The following PDE4D variants were observed in gnomAD, a reference collection of about 807,000 sequenced individuals.
The protein encoded by PDE4D is 3',5'-cyclic-AMP phosphodiesterase 4D.
Under a neutral mutation model 87.4 loss-of-function variants are expected in PDE4D, and 24 were observed. The ratio of observed to expected loss-of-function variants is 0.27; its 90% CI spans 0.20 to 0.39. The LOEUF (loss-of-function observed/expected upper bound fraction) is 0.39. PDE4D is among the 10% of genes least tolerant of loss of function. The pLI is 1.00. For synonymous variants in PDE4D, 384 were observed against 383.2 expected, an observed-to-expected ratio of 1.00 and a Z score of -0.02; for missense variants, 714 against 1,041.0, an observed-to-expected ratio of 0.69 and a Z score of 4.32.
chr5:59,992,791 T>A (rs1763146719), intron 2 of PDE4D, among the ~76,000 whole-genome samples: 1 of 152,194 alleles, frequency 6.6e-6, no homozygotes, highest in South Asian at 2.1e-4. Flanking sequence ...AAACCCACTT[T>A]CTATAAATAC....
At chr5:59,408,047 T>A (rs1400430567) in intron 1 of PDE4D, among the ~76,000 whole-genome samples, 7 of 152,170 alleles carry the variant, frequency 4.6e-5, no homozygotes, top group African/African-American at 1.4e-4. Context: ...GAAATTTGCA[T>A]AACTAAAAGA....
intron 1 of PDE4D, among the ~76,000 whole-genome samples, chr5:60,463,674 A>C (rs375971292): frequency 1.3e-5 from 2 of 152,220 alleles, no homozygotes; most frequent in African/African-American, 4.8e-5. Context: ...GCATGCAGTC[A>C]TGCCCTCTTG....
chr5:59,395,556 G>GA (rs1215240840), intron 1 of PDE4D, among the ~76,000 whole-genome samples: 1 of 150,834 alleles, frequency 6.6e-6, no homozygotes, highest in African/African-American at 2.4e-5. Flanking sequence ...AAACAGAAAG[G>GA]ACATCCACAC....
chr5:60,501,710 G>A (rs946245192), intron 1 of PDE4D, among the ~76,000 whole-genome samples: 1 of 151,868 alleles, frequency 6.6e-6, no homozygotes, highest in Non-Finnish European at 1.5e-5. Flanking sequence ...GTGTGAGATG[G>A]TATCTCATTG....
intron 1 of PDE4D, among the ~76,000 whole-genome samples, chr5:59,293,924 G>T (rs1581803787): frequency 6.6e-6 from 1 of 152,074 alleles, no homozygotes; most frequent in Non-Finnish European, 1.5e-5. Context: ...GTATGAAAAG[G>T]TCACCACGAC....
chr5:59,121,862 G>T (rs10077018), intron 5 of PDE4D, among the ~76,000 whole-genome samples: 1 of 152,050 alleles, frequency 6.6e-6, no homozygotes, highest in African/African-American at 2.4e-5. Flanking sequence ...TGTGGTATAC[G>T]GCCAGGCACA....
chr5:59,151,032 T>A (rs1445882074), intron 5 of PDE4D, among the ~76,000 whole-genome samples: 1 of 152,166 alleles, frequency 6.6e-6, no homozygotes, highest in Non-Finnish European at 1.5e-5. Context: ...AGAAGAAGTT[T>A]CAGGTGCCTA....
chr5:59,841,440 T>C (rs1383762821), intron 1 of PDE4D, among the ~76,000 whole-genome samples: 1 of 152,056 alleles, frequency 6.6e-6, no homozygotes, highest in African/African-American at 2.4e-5. Flanking sequence ...TTACAGAAAG[T>C]GGCAAAGTTT....
At chr5:60,412,713 C>T (rs189221630) in intron 1 of PDE4D, among the ~76,000 whole-genome samples, 2 of 152,270 alleles carry the variant, frequency 1.3e-5, no homozygotes, top group East Asian at 3.9e-4. Context: ...AAGTTATTTA[C>T]TAAATCATTT....
intron 1 of PDE4D, among the ~76,000 whole-genome samples, chr5:59,503,961 T>C (rs899328911): frequency 6.6e-6 from 1 of 152,202 alleles, no homozygotes; most frequent in Non-Finnish European, 1.5e-5. Flanking sequence ...TGTGAACTTA[T>C]TAAGACAAGA....
Position 60,479,284 on chromosome 5 carries a change from G to T in PDE4D, c.-90+8658C>A, listed in dbSNP as rs548530079. Reference sequence around the variant, plus strand: ...AACATTCTACAGCACACAACAGAAAGCTATATAATTTTGCATCATGTTATG... The same window carrying T: ...AACATTCTACAGCACACAACAGAAATCTATATAATTTTGCATCATGTTATG... On this transcript the variant is annotated intron_variant, in intron 1 of 16. Coordinates refer to the PDE4D transcript ENST00000502484. Among the ~76,000 whole-genome samples, 3 of 152,246 alleles carry T rather than the reference G, an allele frequency of 2.0e-5. No homozygotes were observed. The East Asian group carries it at 5.8e-4, about 29-fold the overall frequency.
chr5:59,264,241 A>G (rs554020824), intron 1 of PDE4D, among the ~76,000 whole-genome samples: 17 of 152,170 alleles, frequency 1.1e-4, no homozygotes, highest in African/African-American at 4.1e-4. Flanking sequence ...CGCAGCTCTC[A>G]GTACATTATT....
rs114496769 is a variant in PDE4D at position 60,096,468 on chromosome 5, C to A, written c.42+89089G>T. On this transcript the variant is annotated intron_variant, in intron 2 of 16. Transcript: ENST00000502484. ...TCACAGATGGAATCTCCAAATTATGCGTTTTCTTTCAAAAAGAGAAAGCAA... is the reference window on the plus strand; with the variant it reads ...TCACAGATGGAATCTCCAAATTATGAGTTTTCTTTCAAAAAGAGAAAGCAA... 3.7e-3 allele frequency among the ~76,000 whole-genome samples: 563 copies of A among 152,050 alleles called. 2 individuals carry two copies. The highest frequency in any genetic ancestry group is 6.8e-3 in the Middle Eastern group (2 of 294).
intron 1 of PDE4D, among the ~76,000 whole-genome samples, chr5:59,338,300 C>G (rs540373919): frequency 6.6e-6 from 1 of 152,306 alleles, no homozygotes; most frequent in South Asian, 2.1e-4. Flanking sequence ...GAAACAGAAT[C>G]TCAAACTAGT....
chr5:59,256,395 G>A (rs1760967795), intron 1 of PDE4D, among the ~76,000 whole-genome samples: 2 of 152,024 alleles, frequency 1.3e-5, no homozygotes, highest in African/African-American at 4.8e-5. Context: ...TTCATTATGT[G>A]GCTTCTCGAG....
intron 1 of PDE4D, among the ~76,000 whole-genome samples, chr5:59,679,437 T>C (rs1561461677): frequency 6.6e-6 from 1 of 152,234 alleles, no homozygotes; most frequent in Non-Finnish European, 1.5e-5. Context: ...CAGATATATC[T>C]GTGGTTATCT....
chr5:59,959,960 T>C (rs532947910), intron 3 of PDE4D, among the ~76,000 whole-genome samples: 2 of 152,116 alleles, frequency 1.3e-5, no homozygotes, highest in African/African-American at 4.8e-5. Flanking sequence ...AACAAAAGCC[T>C]AATATCCAGA....
At chr5:59,377,278 G>A (rs554601025) in intron 1 of PDE4D, among the ~76,000 whole-genome samples, 27 of 151,988 alleles carry the variant, frequency 1.8e-4, no homozygotes, top group African/African-American at 3.6e-4. Flanking sequence ...TCAGCTGGGC[G>A]TGGTGGCGGG....
chr5:59,112,164 G>T (rs531253184), intron 5 of PDE4D, among the ~76,000 whole-genome samples: 5 of 152,134 alleles, frequency 3.3e-5, no homozygotes, highest in South Asian at 2.1e-4. Context: ...CTAAGATACC[G>T]GGGGAAAGAG....
Sources: gnomAD v4.1 joint callset for allele counts (sites outside exome capture counted in the v4.1 genomes callset) on GRCh38, gnomAD v4.1.1 for gene constraint, MANE v1.5 for transcripts, NCBI Gene and HGNC (gene_info 2026-07-23, HGNC 2026-07-21) for gene names.